The following EPB41L5 variants were observed in gnomAD, a reference collection of about 807,000 sequenced individuals.
EPB41L5 encodes band 4.1-like protein 5.
A neutral mutation model predicts 106.6 loss-of-function variants in EPB41L5; 55 were observed. The ratio of observed to expected loss-of-function variants is 0.52; its 90% CI spans 0.42 to 0.65. EPB41L5 has a LOEUF of 0.65. EPB41L5 is among the 30% of genes least tolerant of loss of function. EPB41L5 has a pLI of 0.00. For missense variants in EPB41L5, 871 were observed against 882.1 expected (o/e 0.99, Z 0.16); for synonymous variants, 297 against 306.7 (o/e 0.97, Z 0.33).
intron 1 of EPB41L5, among the ~76,000 whole-genome samples, chr2:120,017,391 A>G (rs1305431422): frequency 2.0e-5 from 3 of 152,308 alleles, no homozygotes; most frequent in Middle Eastern, 3.4e-3. Context: ...TGAGTCATGT[A>G]GTGTATTGTG....
At chr2:120,075,365 T>G in intron 5 of EPB41L5, 111 bp from the exon 6 acceptor site, 1 of 792,240 alleles carries the variant, frequency 1.3e-6, no homozygotes. Context: ...CTTTTATACA[T>G]TAATACAAGT....
chr2:120,018,754 C>G (rs538776570), intron 1 of EPB41L5, among the ~76,000 whole-genome samples: 185 of 152,182 alleles, frequency 1.2e-3, no homozygotes, highest in Middle Eastern at 3.4e-3. Flanking sequence ...TCAAGTGATC[C>G]TTCTGCCTCA....
At chr2:120,061,216 AT>A (rs982879680) in intron 3 of EPB41L5, among the ~76,000 whole-genome samples, 31 of 99,148 alleles carry the variant, frequency 3.1e-4, no homozygotes, top group East Asian at 1.5e-3. Context: ...AATTTTTTGT[AT>A]TTTTTTTTTT....
chr2:120,097,920 C>G lies in EPB41L5; in HGVS notation c.1179-2324C>G, dbSNP rs373321774. 2.6e-5 allele frequency among the ~76,000 whole-genome samples: 4 copies of G among 152,178 alleles called. No individual in the cohort carries two copies. The East Asian group carries it at 5.8e-4, about 22-fold the overall frequency. The stretch of plus-strand genomic sequence containing the variant: ...ATAAATATTTTGTTCTCATGTTAAT[C>G]TTATTGATCACCTACTAAAGTTATT... On this transcript the variant is annotated intron_variant, in intron 14 of 24. Transcript: ENST00000263713.
intron 3 of EPB41L5, among the ~76,000 whole-genome samples, chr2:120,068,760 C>A (rs779565696): frequency 6.6e-6 from 1 of 151,798 alleles, no homozygotes; most frequent in Non-Finnish European, 1.5e-5. Flanking sequence ...ACCCATCTCA[C>A]GGACAAAGAC....
chr2:120,090,533 G>GT lies in EPB41L5; in HGVS notation c.1043+21dup, dbSNP rs1488012775. 5 of 1,601,824 alleles carry GT rather than the reference G, an allele frequency of 3.1e-6. No individual in the cohort carries two copies. Among genetic ancestry groups the GT allele is most frequent in the East Asian group, 2.2e-5 (1 of 44,690 alleles). ...TAGATATAGGTTAATTTTAATTGCT[G>GT]TTTTATCTGTCTTTCATTGCATACA... On this transcript the variant is annotated intron_variant, in intron 12 of 24. Coordinates refer to ENST00000263713, the MANE Select transcript of EPB41L5 (RefSeq NM_020909.4).
intron 2 of EPB41L5, among the ~76,000 whole-genome samples, chr2:120,030,088 T>C (rs1278787896): frequency 6.6e-6 from 1 of 152,222 alleles, no homozygotes; most frequent in African/African-American, 2.4e-5. Flanking sequence ...CTTCTAACGT[T>C]TAAGCTGTCC....
chr2:120,031,832 A>G (rs1360014418), intron 2 of EPB41L5, among the ~76,000 whole-genome samples: 9 of 152,154 alleles, frequency 5.9e-5, no homozygotes, highest in Non-Finnish European at 8.8e-5. Flanking sequence ...TTGAGAAACC[A>G]GAATCAAGAG....
At chr2:120,085,058 G>C (rs570501873) in intron 10 of EPB41L5, among the ~76,000 whole-genome samples, 1 of 152,198 alleles carries the variant, frequency 6.6e-6, no homozygotes, top group East Asian at 1.9e-4. Context: ...TAGCTTCTTT[G>C]TGATGGGTTC....
chr2:120,043,856 A>G (rs1261470301), intron 3 of EPB41L5, among the ~76,000 whole-genome samples: 2 of 152,180 alleles, frequency 1.3e-5, no homozygotes, highest in East Asian at 1.9e-4. Context: ...TATTTTTTAA[A>G]AAAATCTAGG....
intron 2 of EPB41L5, among the ~76,000 whole-genome samples, chr2:120,031,748 G>T (rs1001062246): frequency 6.6e-6 from 1 of 152,030 alleles, no homozygotes; most frequent in Non-Finnish European, 1.5e-5. Flanking sequence ...AGAATTATGG[G>T]TACAAGATAG....
intron 2 of EPB41L5, among the ~76,000 whole-genome samples, chr2:120,041,538 C>A (rs914812406): frequency 1.3e-5 from 2 of 152,136 alleles, no homozygotes; most frequent in African/African-American, 4.8e-5. Flanking sequence ...CAGTTTGATT[C>A]TTCTGCATCA....
chr2:120,042,198 T>C, intron 3 of EPB41L5, 88 bp downstream of exon 3: 1 of 962,438 alleles, frequency 1.0e-6, no homozygotes, highest in Non-Finnish European at 1.6e-6. Flanking sequence ...GGCTTCCTAT[T>C]CTTGATGTGT....
At chr2:120,114,477 T>C (rs1485306050) in intron 16 of EPB41L5, among the ~76,000 whole-genome samples, 1 of 152,206 alleles carries the variant, frequency 6.6e-6, no homozygotes, top group Non-Finnish European at 1.5e-5. Flanking sequence ...GCACAGTTAA[T>C]GTAGGCTCGG....
chr2:120,133,689 A>C (rs1267771887), intron 18 of EPB41L5, among the ~76,000 whole-genome samples: 2 of 152,148 alleles, frequency 1.3e-5, no homozygotes, highest in Non-Finnish European at 1.5e-5. Flanking sequence ...GGCCACAAGG[A>C]CTACAATTCC....
intron 16 of EPB41L5, among the ~76,000 whole-genome samples, chr2:120,114,262 C>T (rs1272510753): frequency 1.3e-5 from 2 of 152,202 alleles, no homozygotes; most frequent in African/African-American, 2.4e-5. Context: ...TATCTACAGA[C>T]AGTTTCCAAC....
rs34255923 is a variant in EPB41L5 at position 120,163,591 on chromosome 2, G to GT, written c.1888-1227dup. On this transcript the variant is annotated intron_variant, in intron 21 of 24. Coordinates refer to ENST00000263713, the MANE Select transcript of EPB41L5 (RefSeq NM_020909.4). ...ATCTCCTGTGCTGAACCTGTTACTG[G>GT]TTTTTTTTTTTTTTTTTTAAGTTCA... 4.0e-3 allele frequency among the ~76,000 whole-genome samples: 554 copies of GT among 138,460 alleles called. 6 individuals are homozygous for GT. The East Asian group carries it at 0.054, about 13-fold the overall frequency. The allele number at this position is 138,460 out of a possible 152,430, so 90.8% of individuals were successfully genotyped here.
chr2:120,098,491 G>A lies in EPB41L5; in HGVS notation c.1179-1753G>A, dbSNP rs116722083. On this transcript the variant is annotated intron_variant, in intron 14 of 24. Coordinates refer to ENST00000263713, the MANE Select transcript of EPB41L5 (RefSeq NM_020909.4). ...GCCCCTGAGAGTGCTAGGATTACAG[G>A]CATGAGCCACCATGCCTCACCAATA... Among the ~76,000 whole-genome samples, 440 of 152,240 alleles carry A rather than the reference G, an allele frequency of 2.9e-3. 2 individuals are homozygous for A. The highest frequency in any genetic ancestry group is 0.01 in the African/African-American group (427 of 41,532).
At chr2:120,104,173 A>G (rs780489267) in intron 16 of EPB41L5, 23 of 1,535,956 alleles carry the variant, frequency 1.5e-5, no homozygotes, top group Middle Eastern at 1.7e-4. Flanking sequence ...CATGAGCACA[A>G]TGTGAAGAAT....
Sources: gnomAD v4.1 joint callset for allele counts (sites outside exome capture counted in the v4.1 genomes callset) on GRCh38, gnomAD v4.1.1 for gene constraint, MANE v1.5 for transcripts, NCBI Gene and HGNC (gene_info 2026-07-23, HGNC 2026-07-21) for gene names.